PTGER4: variants seen among roughly 807,000 people sequenced by gnomAD.
The protein encoded by PTGER4 is prostaglandin E receptor 4, also known as prostaglandin E2 receptor EP4 subtype.
PTGER4 carries 11 observed loss-of-function variants against 33.2 expected under a neutral mutation model. The observed-to-expected ratio is 0.33, with a 90% CI of 0.21 to 0.55. PTGER4 has a LOEUF of 0.55. Among genes scored for constraint, PTGER4 ranks in the 20% least tolerant of loss-of-function variants. PTGER4 has a pLI of 0.92. For synonymous variants in PTGER4, 275 were observed against 281.5 expected, an observed-to-expected ratio of 0.98 and a Z score of 0.23; for missense variants, 481 against 650.2, an observed-to-expected ratio of 0.74 and a Z score of 2.83.
the PTGER4 span, among the ~76,000 whole-genome samples, chr5:40,724,002 C>G: frequency 3.9e-5 from 6 of 152,214 alleles, no homozygotes; most frequent in African/African-American, 1.4e-4. Context: ...ATTAGAACTA[C>G]CATGTAATAA....
chr5:40,712,468 A>C, the PTGER4 span, among the ~76,000 whole-genome samples: 1 of 152,152 alleles, frequency 6.6e-6, no homozygotes, highest in Non-Finnish European at 1.5e-5. Context: ...TTTACTGCTG[A>C]AAAAGGCTAG....
downstream of PTGER4, among the ~76,000 whole-genome samples, chr5:40,694,483 T>C (rs1327535237): frequency 6.6e-6 from 1 of 152,236 alleles, no homozygotes; most frequent in Non-Finnish European, 1.5e-5. Flanking sequence ...CTCACAGTTG[T>C]GGAGGCTGGC....
chr5:40,721,692 C>G, the PTGER4 span, among the ~76,000 whole-genome samples: 2 of 149,758 alleles, frequency 1.3e-5, no homozygotes, highest in Non-Finnish European at 3.0e-5. Flanking sequence ...AAAAACAAAA[C>G]AAAACAAAAC....
the PTGER4 span, among the ~76,000 whole-genome samples, chr5:40,704,979 T>A: frequency 6.6e-6 from 1 of 152,044 alleles, no homozygotes. Context: ...AAATTTTTTT[T>A]AATTTATATG....
At chr5:40,708,587 G>A in the PTGER4 span, among the ~76,000 whole-genome samples, 26 of 152,212 alleles carry the variant, frequency 1.7e-4, no homozygotes, top group African/African-American at 5.8e-4. Flanking sequence ...ATTCACAGCC[G>A]AATTCTACCA....
At chr5:40,725,867 G>T in the PTGER4 span, among the ~76,000 whole-genome samples, 1 of 146,654 alleles carries the variant, frequency 6.8e-6, no homozygotes, top group African/African-American at 2.5e-5. Flanking sequence ...CTCACTGCAA[G>T]CTCCGCCTCC....
downstream of PTGER4, among the ~76,000 whole-genome samples, chr5:40,698,481 C>A (rs1741664026): frequency 6.6e-6 from 1 of 152,064 alleles, no homozygotes; most frequent in Non-Finnish European, 1.5e-5. Flanking sequence ...CAATAATATA[C>A]CCTTATACTC....
chr5:40,686,075 A>G (rs569611656), intron 2 of PTGER4, among the ~76,000 whole-genome samples: 14 of 152,274 alleles, frequency 9.2e-5, no homozygotes, highest in Admixed American at 6.5e-5. Context: ...AATTATTTCC[A>G]CTATTCTTTA....
At chr5:40,710,305 A>C in the PTGER4 span, among the ~76,000 whole-genome samples, 3 of 152,370 alleles carry the variant, frequency 2.0e-5, no homozygotes, top group African/African-American at 4.8e-5. Context: ...ACATTTATGC[A>C]GCCAAAGGAC....
the PTGER4 span, among the ~76,000 whole-genome samples, chr5:40,745,966 A>C: frequency 1.3e-5 from 2 of 152,114 alleles, no homozygotes; most frequent in African/African-American, 4.8e-5. Flanking sequence ...TCCACCATAG[A>C]TTAGAGATAC....
At chr5:40,728,494 C>A in the PTGER4 span, 1 of 1,573,532 alleles carries the variant, frequency 6.4e-7, no homozygotes, top group Non-Finnish European at 8.6e-7. Context: ...CAAAAAAAGA[C>A]CAAAAAATCT....
chr5:40,684,630 A>G (rs1034874139), intron 2 of PTGER4, among the ~76,000 whole-genome samples: 10 of 152,222 alleles, frequency 6.6e-5, no homozygotes, highest in Admixed American at 6.5e-4. Context: ...TTGGAGTGGA[A>G]ATTTGAGAAA....
chr5:40,696,373 C>T (rs1224553156), downstream of PTGER4, among the ~76,000 whole-genome samples: 5 of 152,140 alleles, frequency 3.3e-5, no homozygotes, highest in South Asian at 6.2e-4. Flanking sequence ...GCCCTTCTCC[C>T]GTTACATCCA....
chr5:40,732,611 AT>A, the PTGER4 span, among the ~76,000 whole-genome samples: 1 of 151,104 alleles, frequency 6.6e-6, no homozygotes, highest in Admixed American at 6.6e-5. Context: ...AATATAACAG[AT>A]TTTTTTTTAG....
At chr5:40,700,938 C>T in the PTGER4 span, among the ~76,000 whole-genome samples, 1 of 152,262 alleles carries the variant, frequency 6.6e-6, no homozygotes. Flanking sequence ...CACTAACATA[C>T]CCTGACTCTG....
intron 2 of PTGER4, among the ~76,000 whole-genome samples, chr5:40,686,251 T>C (rs931150096): frequency 1.3e-5 from 2 of 152,226 alleles, no homozygotes; most frequent in Non-Finnish European, 2.9e-5. Context: ...TTGTCACTTA[T>C]TGGAAAGCGT....
At chr5:40,726,604 G>C in the PTGER4 span, among the ~76,000 whole-genome samples, 3 of 63,688 alleles carry the variant, frequency 4.7e-5, no homozygotes, top group Admixed American at 7.2e-4. Flanking sequence ...AATGAATAGA[G>C]CCATATCAAC....
At chr5:40,684,155 A>T (rs866159214) in intron 2 of PTGER4, among the ~76,000 whole-genome samples, 3 of 121,372 alleles carry the variant, frequency 2.5e-5, no homozygotes, top group Middle Eastern at 0.011. Flanking sequence ...CAATTACTGA[A>T]ATAATCAAAA....
the PTGER4 span, among the ~76,000 whole-genome samples, chr5:40,714,063 C>T: frequency 1.3e-5 from 2 of 152,268 alleles, no homozygotes; most frequent in Non-Finnish European, 2.9e-5. Context: ...ACTTGGCCTA[C>T]CATGCCAGTA....
Sources: gnomAD v4.1 joint callset for allele counts (sites outside exome capture counted in the v4.1 genomes callset) on GRCh38, gnomAD v4.1.1 for gene constraint, MANE v1.5 for transcripts, NCBI Gene and HGNC (gene_info 2026-07-23, HGNC 2026-07-21) for gene names.